The following PEAK1 variants were observed in gnomAD, a reference collection of about 807,000 sequenced individuals.
PEAK1 encodes inactive tyrosine-protein kinase PEAK1.
PEAK1 carries 54 observed loss-of-function variants against 124.7 expected under a neutral mutation model. That is an observed-to-expected ratio of 0.43 (90% CI 0.35 to 0.54). The LOEUF (loss-of-function observed/expected upper bound fraction) is 0.54. PEAK1 is among the 20% of genes least tolerant of loss of function. The pLI is 0.01. For missense variants in PEAK1, 2,046 were observed against 2,134.5 expected (o/e 0.96, Z 0.82); for synonymous variants, 719 against 760.0 (o/e 0.95, Z 0.89).
At chr15:77,289,183 A>G (rs908582821) in intron 2 of PEAK1, among the ~76,000 whole-genome samples, 2 of 152,238 alleles carry the variant, frequency 1.3e-5, no homozygotes, top group African/African-American at 4.8e-5. Context: ...CATTAGAGAT[A>G]TATTAGAGAA....
chr15:77,288,154 C>T (rs1255098160), intron 2 of PEAK1, among the ~76,000 whole-genome samples: 1 of 151,620 alleles, frequency 6.6e-6, no homozygotes, highest in East Asian at 1.9e-4. Context: ...CAACCCAGCA[C>T]TAACAGAATA....
intron 6 of PEAK1, among the ~76,000 whole-genome samples, chr15:77,214,343 G>GC (rs901296682): frequency 1.2e-4 from 18 of 151,880 alleles, no homozygotes; most frequent in Admixed American, 1.3e-4. Context: ...TAGGCTGGGC[G>GC]CGGTGGCTCA....
chr15:77,192,550 G>T (rs1047048334), intron 6 of PEAK1, among the ~76,000 whole-genome samples: 1 of 152,184 alleles, frequency 6.6e-6, no homozygotes, highest in Non-Finnish European at 1.5e-5. Context: ...CCTCATCAGT[G>T]AGATATCTAC....
chr15:77,407,437 C>T (rs1361113157), intron 1 of PEAK1, among the ~76,000 whole-genome samples: 3 of 152,016 alleles, frequency 2.0e-5, no homozygotes, highest in Non-Finnish European at 4.4e-5. Flanking sequence ...AAAAAACAAT[C>T]CATCAAAAGT....
At chr15:77,332,434 C>T (rs1228659675) in intron 2 of PEAK1, 1 of 222,384 alleles carries the variant, frequency 4.5e-6, no homozygotes, top group Non-Finnish European at 7.5e-6. Flanking sequence ...CTCATCTGTA[C>T]TAAAAATACA....
intron 2 of PEAK1, among the ~76,000 whole-genome samples, chr15:77,354,550 C>G (rs753626994): frequency 1.3e-5 from 2 of 152,166 alleles, no homozygotes; most frequent in African/African-American, 2.4e-5. Context: ...CCCTTTGATA[C>G]AGCTTACAGG....
In PEAK1 at chr15:77,178,966, A is replaced by C. The variant is rs1465908558; in HGVS notation, c.2961T>G (p.Ile987Met). The C allele has an allele frequency of 2.5e-6, 4 of 1,613,928 alleles. No individual in the cohort carries two copies. The highest frequency in any genetic ancestry group is 3.4e-6 in the Non-Finnish European group (4 of 1,180,012). The change falls in exon 7 of 10, where the codon ATT (isoleucine) becomes ATG (methionine). Residue 987 changes from isoleucine to methionine, a missense_variant. Physicochemically the swap from Ile to Met is conservative, Grantham distance 10. Transcript: ENST00000682557. ...AKGESSEKPAIVFMYRCDPAQ... is the reference protein window; with the variant it reads ...AKGESSEKPAMVFMYRCDPAQ... ...CAGGGTCGCACCTGTACATGAAGAC[A>C]ATGGCTGGTTTCTCACTGGACTCTC...
chr15:77,173,179 T>C (rs1176849121), intron 7 of PEAK1, among the ~76,000 whole-genome samples: 1 of 152,228 alleles, frequency 6.6e-6, no homozygotes, highest in Non-Finnish European at 1.5e-5. Flanking sequence ...CTGTTGTTTA[T>C]GCACCAACAA....
chr15:77,391,991 G>C (rs2070499659), intron 1 of PEAK1, among the ~76,000 whole-genome samples: 1 of 152,158 alleles, frequency 6.6e-6, no homozygotes, highest in Non-Finnish European at 1.5e-5. Context: ...CTCTATATCA[G>C]AATGGTCAAA....
intron 5 of PEAK1, among the ~76,000 whole-genome samples, chr15:77,282,536 G>A (rs537629400): frequency 6.6e-6 from 1 of 152,266 alleles, no homozygotes; most frequent in African/African-American, 2.4e-5. Flanking sequence ...ATAAGAATGG[G>A]ACACCAGCCT....
At chr15:77,348,594 A>G in intron 2 of PEAK1, 1 of 980,044 alleles carries the variant, frequency 1.0e-6, no homozygotes, top group Non-Finnish European at 1.2e-6. Flanking sequence ...AGCAGGCAGA[A>G]AAAGGGCTAA....
At chr15:77,342,133 T>C (rs754436875) in intron 2 of PEAK1, among the ~76,000 whole-genome samples, 18 of 146,562 alleles carry the variant, frequency 1.2e-4, no homozygotes, top group Non-Finnish European at 2.4e-4. Context: ...ATTGAATGAC[T>C]GGCTTCATTT....
chr15:77,358,319 C>T (rs1228690394), intron 2 of PEAK1, among the ~76,000 whole-genome samples: 1 of 152,186 alleles, frequency 6.6e-6, no homozygotes, highest in Non-Finnish European at 1.5e-5. Context: ...CACAGTTAAA[C>T]TTCTCATGAG....
intron 2 of PEAK1, among the ~76,000 whole-genome samples, chr15:77,315,462 T>C (rs2064810333): frequency 6.6e-6 from 1 of 152,102 alleles, no homozygotes; most frequent in East Asian, 1.9e-4. Context: ...ATTTAGCAAG[T>C]GAGTAAAAAT....
chr15:77,262,617 T>TAGTGACCTACAA (rs1555459982), intron 5 of PEAK1, among the ~76,000 whole-genome samples: 2 of 149,978 alleles, frequency 1.3e-5, no homozygotes, highest in African/African-American at 2.5e-5. Context: ...AGCAAGTCCT[T>TAGTGACCTACAA]AGAGACCTAC....
At chr15:77,340,237 A>G (rs2066445299) in intron 2 of PEAK1, among the ~76,000 whole-genome samples, 1 of 152,224 alleles carries the variant, frequency 6.6e-6, no homozygotes, top group African/African-American at 2.4e-5. Context: ...GTCCTTCAAT[A>G]GGTATGGATA....
At position 77,181,373 on chromosome 15, in the gene PEAK1, T is replaced by G; in HGVS notation, c.554A>C (p.Lys185Thr). ...TGGAAGCTTTCTTTCCAATGATCGT[T>G]TATAGCAATCATTTATTCTTCCCAA... is the stretch of plus-strand genomic sequence containing the variant. Reference protein sequence around the residue: ...TFLGRINDCYKRSLERKLPPS... With the variant: ...TFLGRINDCYTRSLERKLPPS... Residue 185 changes from lysine (K) to threonine (T), a missense_variant, in exon 7 of 10, where the codon AAA becomes ACA. By Grantham distance (78) the Lys-to-Thr change is moderately conservative. Coordinates refer to ENST00000682557, the MANE Select transcript of PEAK1 (RefSeq NM_001385026.1). The G allele has an allele frequency of 6.2e-7, 1 of 1,614,180 alleles. No individual in the cohort carries two copies. Among genetic ancestry groups the G allele is most frequent in the African/African-American group, 1.3e-5 (1 of 75,058 alleles).
At chr15:77,117,996 T>C (rs867273584) in intron 9 of PEAK1, among the ~76,000 whole-genome samples, 24 of 152,214 alleles carry the variant, frequency 1.6e-4, no homozygotes, top group African/African-American at 5.3e-4. Context: ...CTACTTGAGA[T>C]AAAGGATCAA....
chr15:77,363,562 T>A (rs1022505238), intron 2 of PEAK1, among the ~76,000 whole-genome samples: 1 of 152,058 alleles, frequency 6.6e-6, no homozygotes, highest in Non-Finnish European at 1.5e-5. Flanking sequence ...ATTGAGAAAA[T>A]CCCCACCTCT....
Sources: allele counts gnomAD v4.1 joint callset (sites outside exome capture counted in the v4.1 genomes callset), GRCh38; gene constraint gnomAD v4.1.1; transcripts MANE v1.5; gene names NCBI Gene and HGNC (gene_info 2026-07-23, HGNC 2026-07-21).